The following OARD1 variants were observed in gnomAD, a reference collection of about 807,000 sequenced individuals.
OARD1 encodes the protein O-acyl-ADP-ribose deacylase 1.
A neutral mutation model predicts 19.7 loss-of-function variants in OARD1; 19 were observed. The observed-to-expected ratio is 0.96, with a 90% CI of 0.67 to 1.41. OARD1 has a LOEUF of 1.41. Ranked by LOEUF, OARD1 falls within the 40% of genes most tolerant of loss-of-function variation. OARD1 has a pLI of 0.00. For missense variants in OARD1, 190 were observed against 183.8 expected (o/e 1.03, Z -0.20); for synonymous variants, 70 against 61.8 (o/e 1.13, Z -0.62).
intron 5 of OARD1, among the ~76,000 whole-genome samples, chr6:41,068,014 C>T (rs1763112309): frequency 6.6e-6 from 1 of 151,748 alleles, no homozygotes; most frequent in African/African-American, 2.4e-5. Flanking sequence ...CTCAACACGC[C>T]TAGGGAAAAA....
intron 1 of OARD1, chr6:41,079,205 C>G (rs774999837): frequency 3.6e-5 from 56 of 1,563,724 alleles, no homozygotes; most frequent in Non-Finnish European, 4.9e-5. Context: ...AGCAATGAAA[C>G]TGATAACAGC....
In OARD1 at chr6:41,064,927, GGTTT is replaced by G. The variant is rs1227471589; in HGVS notation, c.*2404_*2407del. Reference sequence around the variant, plus strand: ...AAGTCTCTCTTTTTTTTTTTTTAAAGGTTTGTTTGAGTCCTATGTGGAAGCAAAA... The same window carrying G: ...AAGTCTCTCTTTTTTTTTTTTTAAAGGTTTGAGTCCTATGTGGAAGCAAAA... On this transcript the variant is annotated 3_prime_UTR_variant, in exon 6 of 6. Coordinates refer to ENST00000424266, the MANE Select transcript of OARD1 (RefSeq NM_001329686.2). 2.0e-5 allele frequency: 3 copies of G among 150,512 alleles called. No homozygotes were observed. Among genetic ancestry groups the G allele is most frequent in the Non-Finnish European group, 4.4e-5 (3 of 67,692 alleles). 9.3% of individuals were successfully genotyped at this position (150,512 alleles called of 1,614,324 possible).
intron 5 of OARD1, among the ~76,000 whole-genome samples, chr6:41,067,921 G>C (rs1345932911): frequency 1.3e-5 from 2 of 152,106 alleles, no homozygotes; most frequent in Non-Finnish European, 2.9e-5. Flanking sequence ...CAGGAGTAAG[G>C]TCTTTGCAAC....
intron 1 of OARD1, among the ~76,000 whole-genome samples, chr6:41,083,425 A>C (rs2113799556): frequency 6.6e-6 from 1 of 152,388 alleles, no homozygotes; most frequent in Middle Eastern, 3.4e-3. Context: ...AATCTTTAGT[A>C]GTGAGTTTAA....
intron 5 of OARD1, among the ~76,000 whole-genome samples, chr6:41,067,822 C>T (rs759841979): frequency 3.3e-5 from 5 of 151,802 alleles, no homozygotes; most frequent in Non-Finnish European, 7.4e-5. Context: ...AGAATGTTAA[C>T]GAAAGTAAGG....
At chr6:41,076,502 G>A (rs1763736015), upstream of OARD1, among the ~76,000 whole-genome samples, 1 of 152,146 alleles carries the variant, frequency 6.6e-6, no homozygotes, top group Non-Finnish European at 1.5e-5. Flanking sequence ...TTCTGAAGAG[G>A]TTTTAGCTTT....
Position 41,068,903 on chromosome 6 carries a change from C to G in OARD1, c.294G>C (p.Lys98Asn). Residue 98 changes from lysine (K) to asparagine (N), a missense_variant, in exon 5 of 6, where the codon AAG (lysine) becomes AAC (asparagine). Coordinates refer to ENST00000424266, the MANE Select transcript of OARD1 (RefSeq NM_001329686.2). ...SHKPTYENLQ[K>N]SLEAMKSHCL... ...AATGAGACTTCATTGCCTCTAAACTCTTCTGTAAGTTTTCATAAGTTGGCT... is the reference window on the plus strand; with the variant it reads ...AATGAGACTTCATTGCCTCTAAACTGTTCTGTAAGTTTTCATAAGTTGGCT... The G allele has an allele frequency of 6.2e-7, 1 of 1,610,644 alleles. No homozygotes were observed. The highest frequency in any genetic ancestry group is 8.5e-7 in the Non-Finnish European group (1 of 1,178,314).
chr6:41,074,782 G>A (rs1365329321), upstream of OARD1, among the ~76,000 whole-genome samples: 2 of 152,154 alleles, frequency 1.3e-5, no homozygotes, highest in African/African-American at 4.8e-5. Context: ...TTTTTCCTAA[G>A]ATTGAAAAAA....
chr6:41,072,783 T>C (rs573846471), upstream of OARD1, among the ~76,000 whole-genome samples: 7 of 152,332 alleles, frequency 4.6e-5, no homozygotes, highest in African/African-American at 1.4e-4. Context: ...GGAAAGCGCC[T>C]GCGTATTCCT....
At position 41,068,866 on chromosome 6, in the gene OARD1, C is replaced by T. The variant is rs76543193; in HGVS notation, c.331G>A (p.Gly111Arg). Reference protein sequence around the residue: ...EAMKSHCLKNGVTDLSMPRIG... With the variant: ...EAMKSHCLKNRVTDLSMPRIG... The stretch of plus-strand genomic sequence containing the variant: ...CTGGGCATGGAGAGGTCAGTGACTC[C>T]ATTCTTCAGACAATGAGACTTCATT... The change falls in exon 5 of 6, where the codon GGA (glycine) becomes AGA (arginine). Residue 111 changes from glycine to arginine, a missense_variant. By Grantham distance (125) the Gly-to-Arg change is moderately radical. Transcript: ENST00000424266. 11 of 1,602,266 alleles carry T rather than the reference C, an allele frequency of 6.9e-6. No homozygotes were observed. The highest frequency in any genetic ancestry group is 9.4e-6 in the Non-Finnish European group (11 of 1,171,794).
chr6:41,097,569 C>T (rs1231902612), intron 1 of OARD1: 3 of 663,808 alleles, frequency 4.5e-6, no homozygotes, highest in South Asian at 4.0e-5. Context: ...ACAATTGCAG[C>T]GATGCCTGGC....
intron 1 of OARD1, chr6:41,079,260 G>A: frequency 6.9e-6 from 8 of 1,160,326 alleles, no homozygotes; most frequent in Non-Finnish European, 1.0e-5. Context: ...TTATTTGAAA[G>A]ATACCAGATC....
chr6:41,094,434 A>G (rs1365097046), intron 1 of OARD1: 2 of 1,614,222 alleles, frequency 1.2e-6, no homozygotes, highest in South Asian at 2.2e-5. Flanking sequence ...ATGCCATGGC[A>G]CGGAAGCGTG....
At chr6:41,085,873 G>A (rs900845660) in intron 1 of OARD1, among the ~76,000 whole-genome samples, 3 of 152,086 alleles carry the variant, frequency 2.0e-5, no homozygotes, top group Non-Finnish European at 1.5e-5. Flanking sequence ...ATTTGGGCAC[G>A]ATAGTTTTAT....
intron 1 of OARD1, chr6:41,080,729 T>TC (rs1763882417): frequency 8.6e-7 from 1 of 1,168,650 alleles, no homozygotes; most frequent in South Asian, 1.3e-5. Context: ...GTCTCTCTCC[T>TC]CCAAGAGGTA....
chr6:41,085,067 A>G lies in OARD1; in HGVS notation c.-42+12646T>C, dbSNP rs907295604. On this transcript the variant is annotated intron_variant, in intron 1 of 4. Coordinates refer to the OARD1 transcript ENST00000480585. ...CTCATCGAGATGGCAAAAAAAAACA[A>G]AAAGTCATTATATCCACTGTTAGGA... 3.3e-5 allele frequency among the ~76,000 whole-genome samples: 5 copies of G among 152,240 alleles called. 1 individual carries two copies. Among genetic ancestry groups the G allele is most frequent in the Admixed American group, 3.3e-4 (5 of 15,280 alleles).
chr6:41,069,847 T>C (rs2114054699), intron 4 of OARD1: 1 of 594,550 alleles, frequency 1.7e-6, no homozygotes, highest in Non-Finnish European at 3.0e-6. Flanking sequence ...GATACACGAC[T>C]TTCCCACAGA....
chr6:41,078,616 C>CAT (rs1283054497), intron 1 of OARD1, among the ~76,000 whole-genome samples: 2 of 152,082 alleles, frequency 1.3e-5, no homozygotes, highest in Non-Finnish European at 2.9e-5. Flanking sequence ...TTTTGCCTAC[C>CAT]ATATGTAGTG....
chr6:41,071,725 A>G, intron 1 of OARD1, 50 bp from the exon 2 acceptor site: 1 of 1,063,136 alleles, frequency 9.4e-7, no homozygotes, highest in Non-Finnish European at 1.5e-6. Flanking sequence ...CTTAGTATAT[A>G]ATATTCTGAT....
Sources: allele counts gnomAD v4.1 joint callset (sites outside exome capture counted in the v4.1 genomes callset), GRCh38; gene constraint gnomAD v4.1.1; transcripts MANE v1.5; gene names NCBI Gene and HGNC (gene_info 2026-07-23, HGNC 2026-07-21).